XAGE3: variants seen among roughly 807,000 people sequenced by gnomAD.
XAGE3 encodes the protein CT12.3.
Under a neutral mutation model 9.2 loss-of-function variants are expected in XAGE3, and 6 were observed. The ratio of observed to expected loss-of-function variants is 0.65; its 90% confidence interval spans 0.36 to 1.29. The LOEUF is 1.29. XAGE3 is among the 50% of genes most tolerant of loss of function. The pLI, the probability that XAGE3 is intolerant of heterozygous loss-of-function variation, is 0.03. For synonymous variants in XAGE3, 26 were observed against 28.2 expected, an observed-to-expected ratio of 0.92 and a Z score of 0.25; for missense variants, 70 against 82.8, an observed-to-expected ratio of 0.85 and a Z score of 0.60.
chrX:52,866,229 A>C (rs1927880266), intron 3 of XAGE3, among the ~76,000 whole-genome samples: 1 of 112,236 alleles, frequency 8.9e-6, no homozygotes, highest in Non-Finnish European at 1.9e-5. Flanking sequence ...AGCATACGAA[A>C]TATATTTCAA....
rs781995842 is a variant in XAGE3, at chrX:52,867,110, T to A, written c.24A>T (p.Thr8=). The A allele has an allele frequency of 8.3e-7, 1 of 1,209,186 alleles. No individual in the cohort carries two copies. The highest frequency in any genetic ancestry group is 1.8e-5 in the South Asian group (1 of 56,230). The change falls in exon 2 of 5, where the codon ACA becomes ACT. Residue 8 remains threonine (T), a synonymous_variant. Transcript: ENST00000346279. ...CACTTCTCCTCGGCCTAGGCCTATA[T>A]GTTGATCTTCCTCGCCAAATCATAT... is the stretch of plus-strand genomic sequence containing the variant. The part of the protein sequence containing the change: MIWRGRS[T]YRPRPRRSVP...
chrX:52,862,532 G>T lies in XAGE3; in HGVS notation c.*86C>A. 1.8e-6 allele frequency: 2 copies of T among 1,123,040 alleles called. No individual in the cohort carries two copies. The highest frequency in any genetic ancestry group is 2.4e-6 in the Non-Finnish European group (2 of 826,526). The allele number at this position is 1,123,040 out of a possible 1,213,427, so 92.6% of individuals were successfully genotyped here. On this transcript the variant is annotated 3_prime_UTR_variant, in exon 5 of 5. Transcript: ENST00000346279. The stretch of plus-strand genomic sequence containing the variant: ...ACAAAAAATGTGCAAGACTTCTTTG[G>T]AGAAAGCTGCAAAAGTTTATTTCGA...
chrX:52,867,199 CA>C (rs1469499861), intron 1 of XAGE3, 58 bp from the exon 2 acceptor site: 1 of 981,272 alleles, frequency 1.0e-6, no homozygotes, highest in Non-Finnish European at 1.4e-6. Flanking sequence ...TATATTTGAC[CA>C]CTTCCATGAC....
chrX:52,863,395 T>C (rs1262855010), intron 4 of XAGE3, among the ~76,000 whole-genome samples: 1 of 111,821 alleles, frequency 8.9e-6, no homozygotes, highest in Non-Finnish European at 1.9e-5. Flanking sequence ...ATATCATGAA[T>C]AGTCGGGCAA....
rs782035038 is a variant in XAGE3 at position 52,865,769 on chromosome X, G to A, written c.187+664C>T. On this transcript the variant is annotated intron_variant, in intron 3 of 4. Coordinates refer to ENST00000346279, the MANE Select transcript of XAGE3 (RefSeq NM_133179.3). The stretch of plus-strand genomic sequence containing the variant: ...GTCATTCATTGAGCTCTTTTCTGGC[G>A]TTGCTATCCTGCTTCACTGAACTTT... 1.6e-4 allele frequency among the ~76,000 whole-genome samples: 18 copies of A among 111,454 alleles called. No homozygotes were observed. The East Asian group carries it at 2.0e-3, about 12-fold the overall frequency.
In XAGE3 at chrX:52,862,549, T is replaced by A; in HGVS notation, c.*69A>T. The stretch of plus-strand genomic sequence containing the variant: ...CTTCTTTGGAGAAAGCTGCAAAAGT[T>A]TATTTCGATATTTTTAAGTCAAATA... On this transcript the variant is annotated 3_prime_UTR_variant, in exon 5 of 5. Coordinates refer to ENST00000346279, the MANE Select transcript of XAGE3 (RefSeq NM_133179.3). 1.7e-6 allele frequency: 2 copies of A among 1,173,735 alleles called. No homozygotes were observed. The highest frequency in any genetic ancestry group is 2.3e-6 in the Non-Finnish European group (2 of 867,536).
chrX:52,867,492 T>TC (rs1311803379), intron 1 of XAGE3, among the ~76,000 whole-genome samples: 1 of 110,247 alleles, frequency 9.1e-6, no homozygotes, highest in Non-Finnish European at 1.9e-5. Flanking sequence ...TGGGCCCATT[T>TC]CCCCCCTAAA....
chrX:52,864,638 G>T, intron 4 of XAGE3, 137 bp downstream of exon 4: 1 of 773,928 alleles, frequency 1.3e-6, no homozygotes, highest in Non-Finnish European at 1.9e-6. Context: ...CTTACAGTCA[G>T]GCAATTGGGG....
At chrX:52,866,285 C>A in intron 3 of XAGE3, 148 bp downstream of exon 3, 2 of 578,498 alleles carry the variant, frequency 3.5e-6, no homozygotes, top group Admixed American at 2.6e-5. Flanking sequence ...AAACTATACT[C>A]TTCACTTTTC....
rs201846909 is a variant in XAGE3 at position 52,867,107 on chromosome X, A to G, written c.27T>C (p.Tyr9=). Residue 9 remains tyrosine (Y), a synonymous_variant, in exon 2 of 5, where the codon TAT becomes TAC. Coordinates refer to ENST00000346279, the MANE Select transcript of XAGE3 (RefSeq NM_133179.3). The part of the protein sequence containing the change: MIWRGRST[Y]RPRPRRSVPP... ...GTACACTTCTCCTCGGCCTAGGCCT[A>G]TATGTTGATCTTCCTCGCCAAATCA... 7 of 1,207,923 alleles carry G rather than the reference A, an allele frequency of 5.8e-6. No individual in the cohort carries two copies. The highest frequency in any genetic ancestry group is 2.3e-4 in the Middle Eastern group (1 of 4,359).
chrX:52,867,331 G>A, intron 1 of XAGE3, 190 bp from the exon 2 acceptor site: 6 of 401,154 alleles, frequency 1.5e-5, no homozygotes. Flanking sequence ...CAAGCTAGCT[G>A]AGCAATTTCT....
At chrX:52,865,103 A>T (rs782308543) in intron 3 of XAGE3, among the ~76,000 whole-genome samples, 6 of 111,955 alleles carry the variant, frequency 5.4e-5, no homozygotes, top group Non-Finnish European at 1.1e-4. Flanking sequence ...ATCAGACCAC[A>T]CTTACATTTC....
chrX:52,862,840 A>G (rs1309402803), intron 4 of XAGE3, among the ~76,000 whole-genome samples, 200 bp from the exon 5 acceptor site: 2 of 114,662 alleles, frequency 1.7e-5, no homozygotes, highest in Non-Finnish European at 3.7e-5. Flanking sequence ...CATTAGCAAC[A>G]TTTTTAAAAC....
intron 3 of XAGE3, 40 bp downstream of exon 3, chrX:52,866,393 T>C (rs1927885536): frequency 8.5e-7 from 1 of 1,175,074 alleles, no homozygotes; most frequent in Non-Finnish European, 1.2e-6. Context: ...ATAGGCCTCC[T>C]CCCCTCCCCA....
intron 3 of XAGE3, 90 bp from the exon 4 acceptor site, chrX:52,864,990 T>C: frequency 9.2e-7 from 1 of 1,090,787 alleles, no homozygotes; most frequent in South Asian, 2.1e-5. Flanking sequence ...TGTTATGAAA[T>C]AAAAGGCTGC....
At chrX:52,863,747 T>C (rs1329611760) in intron 4 of XAGE3, among the ~76,000 whole-genome samples, 1 of 112,006 alleles carries the variant, frequency 8.9e-6, no homozygotes, top group Non-Finnish European at 1.9e-5. Context: ...ACTATTACTC[T>C]ATTCATAGCT....
chrX:52,863,693 A>C (rs1242451742), intron 4 of XAGE3, among the ~76,000 whole-genome samples: 1 of 111,928 alleles, frequency 8.9e-6, no homozygotes, highest in East Asian at 2.8e-4. Flanking sequence ...GGTCTTGTTC[A>C]TATTCCATGT....
intron 3 of XAGE3, among the ~76,000 whole-genome samples, chrX:52,866,129 A>T: frequency 8.9e-6 from 1 of 112,018 alleles, no homozygotes. Context: ...ACAACATTCT[A>T]AGAAGATCAA....
intron 3 of XAGE3, 117 bp from the exon 4 acceptor site, chrX:52,865,017 A>C: frequency 1.1e-6 from 1 of 899,297 alleles, no homozygotes; most frequent in Admixed American, 3.3e-5. Flanking sequence ...CTGTGGTAAT[A>C]AATGTGATGC....
Sources: allele counts gnomAD v4.1 joint callset (sites outside exome capture counted in the v4.1 genomes callset), GRCh38; gene constraint gnomAD v4.1.1; transcripts MANE v1.5; gene names NCBI Gene and HGNC (gene_info 2026-07-23, HGNC 2026-07-21).